MAP3K15: variants seen among roughly 807,000 people sequenced by gnomAD.
MAP3K15 encodes the protein MAPK/ERK kinase kinase 15.
Under a neutral mutation model 99.5 loss-of-function variants are expected in MAP3K15, and 124 were observed. That is an observed-to-expected ratio of 1.25 (90% CI 1.08 to 1.45). The LOEUF is 1.45. Among genes scored for constraint, MAP3K15 ranks in the 40% most tolerant of loss-of-function variants. The pLI is 0.00. For synonymous variants in MAP3K15, 494 were observed against 439.6 expected, an observed-to-expected ratio of 1.12 and a Z score of -1.55; for missense variants, 1,242 against 1,079.7, an observed-to-expected ratio of 1.15 and a Z score of -2.11.
At chrX:19,424,267 C>T (rs12387150) in intron 9 of MAP3K15, among the ~76,000 whole-genome samples, 1 of 105,378 alleles carries the variant, frequency 9.5e-6, no homozygotes, top group African/African-American at 3.6e-5. Flanking sequence ...CATATATATA[C>T]ACACATATAT....
intron 4 of MAP3K15, 134 bp from the exon 5 acceptor site, chrX:19,460,287 C>T (rs753596506): frequency 2.8e-6 from 1 of 356,062 alleles, no homozygotes; most frequent in Non-Finnish European, 4.7e-6. Flanking sequence ...AGCCTCCCTG[C>T]ACCAGCAAAC....
At chrX:19,470,253 G>A (rs1183219620) in intron 3 of MAP3K15, among the ~76,000 whole-genome samples, 1 of 111,113 alleles carries the variant, frequency 9.0e-6, no homozygotes, top group African/African-American at 3.3e-5. Flanking sequence ...CCTTTGTAGG[G>A]ACATGGATGA....
At chrX:19,362,416 G>A (rs2063298095) in intron 26 of MAP3K15, among the ~76,000 whole-genome samples, 1 of 108,528 alleles carries the variant, frequency 9.2e-6, no homozygotes. Context: ...TCTATTTTTT[G>A]TACGGATGGG....
chrX:19,471,652 A>C (rs912589645), intron 3 of MAP3K15, among the ~76,000 whole-genome samples: 1 of 111,862 alleles, frequency 8.9e-6, no homozygotes, highest in Non-Finnish European at 1.9e-5. Flanking sequence ...CCACACCCAG[A>C]TGTGTCAGTT....
At chrX:19,424,235 CATATATATACATATATATACACAT>C (rs2063810707) in intron 9 of MAP3K15, among the ~76,000 whole-genome samples, 1 of 87,403 alleles carries the variant, frequency 1.1e-5, no homozygotes, top group African/African-American at 7.1e-5. Context: ...TATGTACACA[CATATATATACATATATATACACAT>C]ATATATACAC....
At chrX:19,473,831 C>CA (rs1396004975) in intron 3 of MAP3K15, among the ~76,000 whole-genome samples, 3 of 111,967 alleles carry the variant, frequency 2.7e-5, no homozygotes, top group Admixed American at 1.9e-4. Flanking sequence ...ATAATAGGTG[C>CA]TTTTAATAAG....
At position 19,445,681 on chromosome X, in the gene MAP3K15, G is replaced by A. The variant is rs772490479; in HGVS notation, c.995+11232C>T. Among the ~76,000 whole-genome samples the A allele has an allele frequency of 1.8e-3, 194 of 109,236 alleles. 1 individual carries two copies. Among genetic ancestry groups the A allele is most frequent in the Non-Finnish European group, 2.8e-3 (150 of 52,641 alleles). The allele number at this position is 109,236 out of a possible 115,157, so 94.9% of individuals were successfully genotyped here. A position where few individuals can be genotyped will look rare whatever the true frequency, so the allele number is the denominator to read the frequency against. ...CCAAAGGCCAGGTGTAGCGGCTCAC[G>A]CCTGTAATCCAAGCACTTTGGGAGG... On this transcript the variant is annotated intron_variant, in intron 6 of 28. Coordinates refer to ENST00000338883, the MANE Select transcript of MAP3K15 (RefSeq NM_001001671.4).
At chrX:19,385,186 G>C (rs1197333060) in intron 18 of MAP3K15, among the ~76,000 whole-genome samples, 1 of 111,849 alleles carries the variant, frequency 8.9e-6, no homozygotes, top group Non-Finnish European at 1.9e-5. Flanking sequence ...GGGTCTCCCA[G>C]GAAGTTGCAG....
chrX:19,453,490 C>A (rs1430737175), intron 6 of MAP3K15, among the ~76,000 whole-genome samples: 1 of 102,350 alleles, frequency 9.8e-6, no homozygotes, highest in Non-Finnish European at 2.0e-5. Context: ...ACAGAGTGAG[C>A]GTCTCAGGCC....
At chrX:19,452,776 T>C (rs191057784) in intron 6 of MAP3K15, among the ~76,000 whole-genome samples, 1 of 112,174 alleles carries the variant, frequency 8.9e-6, no homozygotes, top group African/African-American at 3.2e-5. Flanking sequence ...GCCCATATGG[T>C]CCATGATGGC....
At chrX:19,371,638 C>A in intron 22 of MAP3K15, 108 bp from the exon 23 acceptor site, 1 of 736,602 alleles carries the variant, frequency 1.4e-6, no homozygotes. Context: ...TTGTGGAACT[C>A]CCAGGTGAGA....
At position 19,396,421 on chromosome X, in the gene MAP3K15, T is replaced by C. The variant is rs2063568056; in HGVS notation, c.2067-1213A>G. ...AGAAATTTCCCCAAATAGATACAAC[T>C]GCAACACCTTATCCATCATGAGAAA... On this transcript the variant is annotated intron_variant, in intron 15 of 28. Coordinates refer to ENST00000338883, the MANE Select transcript of MAP3K15 (RefSeq NM_001001671.4). 2.7e-5 allele frequency among the ~76,000 whole-genome samples: 3 copies of C among 112,076 alleles called. No individual in the cohort carries two copies. In the Admixed American group the frequency reaches 2.8e-4, roughly 11 times the overall value.
Position 19,460,055 on chromosome X carries a change from C to G in MAP3K15, c.818G>C (p.Arg273Pro), listed in dbSNP as rs757135476. Reference protein sequence around the residue: ...LAKELARIKLRMDNTEVLTSD... With the variant: ...LAKELARIKLPMDNTEVLTSD... ...GGTCAGAACCTCAGTATTATCCATG[C>G]GGAGCTTGATCCGAGCTAGCTCCTT... Residue 273 changes from arginine (R) to proline (P), a missense_variant, in exon 5 of 29, where the codon CGC (arginine) becomes CCC (proline). Coordinates refer to ENST00000338883, the MANE Select transcript of MAP3K15 (RefSeq NM_001001671.4). 4.2e-6 allele frequency: 5 copies of G among 1,194,843 alleles called. No individual in the cohort carries two copies. Among genetic ancestry groups the G allele is most frequent in the Non-Finnish European group, 5.6e-6 (5 of 891,567 alleles).
intron 3 of MAP3K15, among the ~76,000 whole-genome samples, chrX:19,480,653 TA>T (rs746641774): frequency 0.022 from 1,502 of 68,401 alleles, 49 homozygotes; most frequent in African/African-American, 0.077. Context: ...GGTCTCTACT[TA>T]AAAAAAAAAA....
chrX:19,417,077 G>A (rs113445302), intron 9 of MAP3K15, among the ~76,000 whole-genome samples: 2,943 of 112,229 alleles, frequency 0.026, 97 homozygotes, highest in African/African-American at 0.088. Flanking sequence ...AGCCAAGATG[G>A]CTGAATACGA....
rs755962563 is a variant in MAP3K15 at position 19,371,525 on chromosome X, G to A, written c.3114C>T (p.Ser1038=). ...GTCCAACTGAGAGATGCAACTCTTC[G>A]GAACTCTGAAAACACACACAAATCA... ...SNLQECVAQS[S]EELHLSVGHI... The change falls in exon 23 of 29, where the codon TCC becomes TCT. Residue 1038 remains serine, a synonymous_variant. Coordinates refer to ENST00000338883, the MANE Select transcript of MAP3K15 (RefSeq NM_001001671.4). 40 of 1,193,842 alleles carry A rather than the reference G, an allele frequency of 3.4e-5. No homozygotes were observed. The Admixed American group carries it at 5.1e-4, about 15-fold the overall frequency.
In MAP3K15 at chrX:19,415,004, TTACTC is replaced by T. The variant is rs770775017; in HGVS notation, c.1590+98_1590+102del. On this transcript the variant is annotated intron_variant, in intron 10 of 28. Transcript: ENST00000338883. ...TTGATGTTTATCCCAACATTTAAAA[TTACTC>T]TACAGTTTTCTTCAGTTCAGAGTAT... is the stretch of plus-strand genomic sequence containing the variant. The T allele has an allele frequency of 2.6e-5, 19 of 718,110 alleles. No homozygotes were observed. In the African/African-American group the frequency reaches 3.7e-4, roughly 14 times the overall value. 59.2% of individuals were successfully genotyped at this position (718,110 alleles called of 1,213,427 possible). A position where few individuals can be genotyped will look rare whatever the true frequency, so the allele number is the denominator to read the frequency against.
At chrX:19,369,780 C>T (rs369945852) in intron 24 of MAP3K15, among the ~76,000 whole-genome samples, 7 of 110,528 alleles carry the variant, frequency 6.3e-5, no homozygotes, top group African/African-American at 2.0e-4. Context: ...TGTGGTGGCG[C>T]GCACCTGTAG....
intron 1 of MAP3K15, among the ~76,000 whole-genome samples, chrX:19,499,944 A>G (rs886621453): frequency 6.2e-5 from 7 of 112,890 alleles, no homozygotes; most frequent in Admixed American, 5.6e-4. Flanking sequence ...TTTACATTTA[A>G]TATGTTTAAA....
Sources: allele counts gnomAD v4.1 joint callset (sites outside exome capture counted in the v4.1 genomes callset), GRCh38; gene constraint gnomAD v4.1.1; transcripts MANE v1.5; gene names NCBI Gene and HGNC (gene_info 2026-07-23, HGNC 2026-07-21).